Variants in BAZ2B observed in about 807,000 individuals in gnomAD.
BAZ2B encodes the protein bromodomain adjacent to zinc finger domain 2B.
Under a neutral mutation model 246.0 loss-of-function variants are expected in BAZ2B, and 91 were observed. That is an observed-to-expected ratio of 0.37 (90% CI 0.31 to 0.44). The LOEUF is 0.44. BAZ2B is among the 20% of genes least tolerant of loss of function. The probability of loss-of-function intolerance (pLI) is 1.00; values close to 1 mark genes in which losing one functional copy is unlikely to be tolerated. For missense variants in BAZ2B, 2,332 were observed against 2,533.7 expected (o/e 0.92, Z 1.71); for synonymous variants, 855 against 860.0 (o/e 0.99, Z 0.10).
intron 1 of BAZ2B, among the ~76,000 whole-genome samples, chr2:159,611,092 G>A (rs775300809): frequency 7.9e-5 from 12 of 151,506 alleles, no homozygotes; most frequent in Middle Eastern, 3.6e-3. Flanking sequence ...TACTTAATAC[G>A]GTCAACAGAA....
intron 16 of BAZ2B, among the ~76,000 whole-genome samples, chr2:159,403,779 TG>T (rs1354343953): frequency 1.3e-5 from 2 of 152,136 alleles, no homozygotes; most frequent in Non-Finnish European, 2.9e-5. Context: ...TGCCAGTCAC[TG>T]CAGTAGGCAC....
intron 13 of BAZ2B, among the ~76,000 whole-genome samples, chr2:159,416,964 T>C (rs944821496): frequency 2.0e-5 from 3 of 152,176 alleles, no homozygotes; most frequent in Non-Finnish European, 4.4e-5. Context: ...GAAAAGCAAA[T>C]ACAATTTACA....
At position 159,365,063 on chromosome 2, in the gene BAZ2B, C is replaced by A. The variant is rs573816368; in HGVS notation, c.4213+7982G>T. ...GGGGTTACTGTGTCTCCTGCATTTG[C>A]AGATAACATACATATTATCAAGACT... On this transcript the variant is annotated intron_variant, in intron 27 of 36. Transcript: ENST00000392783. Among the ~76,000 whole-genome samples, 140 of 152,228 alleles carry A rather than the reference C, an allele frequency of 9.2e-4. 3 individuals are homozygous for A. The Middle Eastern group carries it at 0.01, about 11-fold the overall frequency.
chr2:159,416,898 C>A (rs1352972700), intron 13 of BAZ2B, among the ~76,000 whole-genome samples: 1 of 152,024 alleles, frequency 6.6e-6, no homozygotes, highest in Non-Finnish European at 1.5e-5. Flanking sequence ...CATTGAAGAG[C>A]CAAAATAATT....
At chr2:159,508,705 C>A (rs967970298) in intron 2 of BAZ2B, among the ~76,000 whole-genome samples, 4 of 152,160 alleles carry the variant, frequency 2.6e-5, no homozygotes, top group African/African-American at 9.7e-5. Flanking sequence ...CATGTATACC[C>A]CCTGACCAGA....
chr2:159,551,390 A>C (rs1236620629), intron 2 of BAZ2B, among the ~76,000 whole-genome samples: 1 of 147,930 alleles, frequency 6.8e-6, no homozygotes, highest in Non-Finnish European at 1.5e-5. Context: ...AATGGTGTGA[A>C]CCCGGGAGGT....
At chr2:159,470,529 G>A (rs148307345) in intron 3 of BAZ2B, among the ~76,000 whole-genome samples, 2 of 152,292 alleles carry the variant, frequency 1.3e-5, no homozygotes, top group East Asian at 1.9e-4. Context: ...GTTCTGAGAG[G>A]AACAGATAAA....
intron 34 of BAZ2B, among the ~76,000 whole-genome samples, chr2:159,331,517 G>A (rs1208774703): frequency 6.6e-6 from 1 of 152,148 alleles, no homozygotes; most frequent in Non-Finnish European, 1.5e-5. Flanking sequence ...ACAGGCATGT[G>A]CCACCACTAA....
intron 33 of BAZ2B, among the ~76,000 whole-genome samples, chr2:159,334,962 G>T (rs1277151963): frequency 6.6e-6 from 1 of 152,006 alleles, no homozygotes; most frequent in African/African-American, 2.4e-5. Context: ...TAGTGCAGTG[G>T]CTGTTCTCAA....
chr2:159,667,067 C>T, the BAZ2B span, among the ~76,000 whole-genome samples: 1 of 148,590 alleles, frequency 6.7e-6, no homozygotes, highest in Non-Finnish European at 1.5e-5. Flanking sequence ...GCACGTTCTG[C>T]ATATGTATCC....
At chr2:159,628,210 G>A in the BAZ2B span, among the ~76,000 whole-genome samples, 1 of 152,192 alleles carries the variant, frequency 6.6e-6, no homozygotes, top group African/African-American at 2.4e-5. Context: ...CTCATGGATA[G>A]GAAGAGTCAA....
At chr2:159,469,445 T>C (rs2077501128) in intron 3 of BAZ2B, among the ~76,000 whole-genome samples, 1 of 152,086 alleles carries the variant, frequency 6.6e-6, no homozygotes. Flanking sequence ...TATTTATTTA[T>C]TTATTTTTGA....
the BAZ2B span, among the ~76,000 whole-genome samples, chr2:159,702,831 G>A: frequency 6.6e-6 from 1 of 152,062 alleles, no homozygotes; most frequent in African/African-American, 2.4e-5. Flanking sequence ...ATGAGGTCAG[G>A]AGATCGAGAC....
chr2:159,653,373 CTATTA>C, the BAZ2B span, among the ~76,000 whole-genome samples: 1 of 152,158 alleles, frequency 6.6e-6, no homozygotes, highest in Non-Finnish European at 1.5e-5. Flanking sequence ...AACATTTATT[CTATTA>C]AAGTATTTTG....
intron 20 of BAZ2B, among the ~76,000 whole-genome samples, chr2:159,390,251 CT>C (rs1457464663): frequency 6.6e-6 from 1 of 152,084 alleles, no homozygotes; most frequent in African/African-American, 2.4e-5. Context: ...GATTAAAAGT[CT>C]TTTGATTTTC....
At chr2:159,641,072 G>C in the BAZ2B span, among the ~76,000 whole-genome samples, 1 of 152,036 alleles carries the variant, frequency 6.6e-6, no homozygotes, top group Non-Finnish European at 1.5e-5. Context: ...AAATTCAAAG[G>C]ATCATTAGTG....
intron 2 of BAZ2B, among the ~76,000 whole-genome samples, chr2:159,525,366 G>T (rs527812565): frequency 6.6e-6 from 1 of 152,278 alleles, no homozygotes; most frequent in South Asian, 2.1e-4. Context: ...TAACACGCAA[G>T]AGTTAATATA....
intron 22 of BAZ2B, 111 bp downstream of exon 22, chr2:159,386,242 T>C: frequency 1.7e-6 from 2 of 1,198,226 alleles, no homozygotes; most frequent in South Asian, 1.7e-5. Context: ...TGTGAGACAT[T>C]ATGTGGAAAA....
rs1266957756 is a variant in BAZ2B at position 159,347,797 on chromosome 2, C to G, written c.5294-151G>C. The G allele has an allele frequency of 1.4e-5, 9 of 646,726 alleles. No homozygotes were observed. In the South Asian group the frequency reaches 1.5e-4, roughly 11 times the overall value. The allele number at this position is 646,726 out of a possible 1,614,324, so 40.1% of individuals were successfully genotyped here. On this transcript the variant is annotated intron_variant, in intron 30 of 36. Transcript: ENST00000392783. ...CTTGTGTATGTACAGGCAGCTTACT[C>G]TTAAAAGTAGAAACACGCTAAGAAA... is the stretch of plus-strand genomic sequence containing the variant.
Sources: gnomAD v4.1 joint callset for allele counts (sites outside exome capture counted in the v4.1 genomes callset) on GRCh38, gnomAD v4.1.1 for gene constraint, MANE v1.5 for transcripts, NCBI Gene and HGNC (gene_info 2026-07-23, HGNC 2026-07-21) for gene names.